The following NOX4 variants were observed in gnomAD, a reference collection of about 807,000 sequenced individuals.
The protein encoded by NOX4 is NADPH oxidase 4.
A neutral mutation model predicts 87.6 loss-of-function variants in NOX4; 69 were observed. The ratio of observed to expected loss-of-function variants is 0.79; its 90% CI spans 0.65 to 0.96. The LOEUF is 0.96. Among genes scored for constraint, NOX4 ranks in the 40% least tolerant of loss-of-function variants. NOX4 has a pLI of 0.00. For missense variants in NOX4, 680 were observed against 681.5 expected (o/e 1.00, Z 0.02); for synonymous variants, 275 against 238.2 (o/e 1.15, Z -1.42).
intron 2 of NOX4, among the ~76,000 whole-genome samples, chr11:89,467,349 CAAAA>C (rs71052233): frequency 6.0e-3 from 369 of 61,440 alleles, no homozygotes; most frequent in South Asian, 0.026. Context: ...AAACTCGTCA[CAAAA>C]AAAAAAAAAA....
At chr11:89,405,324 T>C (rs1181900158) in intron 8 of NOX4, among the ~76,000 whole-genome samples, 3 of 152,074 alleles carry the variant, frequency 2.0e-5, no homozygotes, top group East Asian at 1.9e-4. Context: ...GCACGTATTA[T>C]TCTAAAATTC....
At chr11:89,574,212 CCTGT>C in the NOX4 span, among the ~76,000 whole-genome samples, 1 of 152,266 alleles carries the variant, frequency 6.6e-6, no homozygotes, top group African/African-American at 2.4e-5. Flanking sequence ...CATGCTCATG[CCTGT>C]CTAACTACCT....
chr11:89,476,823 A>T (rs570851592), intron 2 of NOX4, among the ~76,000 whole-genome samples: 16 of 152,352 alleles, frequency 1.1e-4, no homozygotes, highest in African/African-American at 3.6e-4. Flanking sequence ...ACACGGCCAC[A>T]TAAATAGACT....
rs1943105795 is a variant in NOX4, at chr11:89,421,925, C to T, written c.606G>A (p.Met202Ile). 6.4e-7 allele frequency: 1 copy of T among 1,571,722 alleles called. No individual in the cohort carries two copies. Among genetic ancestry groups the T allele is most frequent in the Non-Finnish European group, 8.6e-7 (1 of 1,162,502 alleles). Residue 202 changes from methionine (M) to isoleucine (I), a missense_variant, in exon 8 of 18, where the codon ATG becomes ATA. Physicochemically the swap from Met to Ile is conservative, Grantham distance 10 (BLOSUM62 1). Coordinates refer to ENST00000263317, the MANE Select transcript of NOX4 (RefSeq NM_016931.5). Reference sequence around the variant, plus strand: ...ACCCTGAAACATGCAACGTCAGCAGCATGTAGAAGACAAAGAAGAGGTTAT... The same window carrying T: ...ACCCTGAAACATGCAACGTCAGCAGTATGTAGAAGACAAAGAAGAGGTTAT... ...YTHNLFFVFYMLLTLHVSGGL... is the reference protein window; with the variant it reads ...YTHNLFFVFYILLTLHVSGGL...
chr11:89,535,985 C>T, the NOX4 span, among the ~76,000 whole-genome samples: 1 of 152,002 alleles, frequency 6.6e-6, no homozygotes, highest in Non-Finnish European at 1.5e-5. Context: ...TTTTTCTTAC[C>T]CGGAAAACTT....
chr11:89,502,918 A>G (rs1375928658), upstream of NOX4, among the ~76,000 whole-genome samples: 1 of 152,034 alleles, frequency 6.6e-6, no homozygotes, highest in East Asian at 1.9e-4. Flanking sequence ...TCAAAAATGA[A>G]CACAATTCTT....
the NOX4 span, among the ~76,000 whole-genome samples, chr11:89,585,941 T>G: frequency 6.6e-6 from 1 of 152,314 alleles, no homozygotes; most frequent in Non-Finnish European, 1.5e-5. Context: ...CATTTCCAAA[T>G]TCAACAATAA....
chr11:89,333,216 G>A (rs1480494052), intron 17 of NOX4, among the ~76,000 whole-genome samples: 1 of 151,724 alleles, frequency 6.6e-6, no homozygotes, highest in African/African-American at 2.4e-5. Flanking sequence ...TACAGAAATT[G>A]TCCATGATCA....
chr11:89,429,185 G>C (rs940018281), intron 7 of NOX4, among the ~76,000 whole-genome samples: 1 of 152,146 alleles, frequency 6.6e-6, no homozygotes, highest in African/African-American at 2.4e-5. Flanking sequence ...CAACATACCA[G>C]AATCTCTGGG....
intron 4 of NOX4, among the ~76,000 whole-genome samples, chr11:89,445,139 T>C (rs760171533): frequency 3.1e-4 from 47 of 152,180 alleles, no homozygotes; most frequent in Admixed American, 9.8e-4. Context: ...GGGGCCTTAA[T>C]TTACTTCTCT....
rs546353102 is a variant in NOX4, at chr11:89,468,798, C to T, written c.154-16903G>A. Among the ~76,000 whole-genome samples the T allele has an allele frequency of 2.4e-3, 366 of 152,166 alleles. 3 individuals are homozygous for T. The highest frequency in any genetic ancestry group is 8.2e-3 in the African/African-American group (342 of 41,518). ...CTCATTCTGTCACTCAGGCTGGAGT[C>T]CAATGGTGTAATCACAGCTCACTGC... is the stretch of plus-strand genomic sequence containing the variant. On this transcript the variant is annotated intron_variant, in intron 2 of 17. Transcript: ENST00000263317.
chr11:89,515,777 C>A, the NOX4 span, among the ~76,000 whole-genome samples: 1 of 151,920 alleles, frequency 6.6e-6, no homozygotes, highest in Non-Finnish European at 1.5e-5. Flanking sequence ...CAGATAGAAT[C>A]CTGTTGTTCT....
At chr11:89,478,317 A>C (rs973895427) in intron 2 of NOX4, among the ~76,000 whole-genome samples, 1 of 152,228 alleles carries the variant, frequency 6.6e-6, no homozygotes, top group Non-Finnish European at 1.5e-5. Flanking sequence ...AGCTCAATTA[A>C]TAATATAAAT....
At chr11:89,363,483 C>T (rs1228709259) in intron 12 of NOX4, among the ~76,000 whole-genome samples, 1 of 151,868 alleles carries the variant, frequency 6.6e-6, no homozygotes, top group African/African-American at 2.4e-5. Flanking sequence ...TAAGCACACA[C>T]AAAAAATGCC....
chr11:89,558,496 C>T, the NOX4 span, among the ~76,000 whole-genome samples: 94 of 152,202 alleles, frequency 6.2e-4, 3 homozygotes, highest in East Asian at 0.018. Context: ...GCTGATGCTG[C>T]CCATATATAG....
intron 11 of NOX4, among the ~76,000 whole-genome samples, chr11:89,382,501 C>T (rs1209657138): frequency 6.6e-6 from 1 of 152,050 alleles, no homozygotes; most frequent in Non-Finnish European, 1.5e-5. Context: ...CCTCCCTAGT[C>T]TCTGTTCCCA....
At chr11:89,476,016 G>T (rs989101332) in intron 2 of NOX4, among the ~76,000 whole-genome samples, 1 of 152,038 alleles carries the variant, frequency 6.6e-6, no homozygotes, top group Non-Finnish European at 1.5e-5. Context: ...CTAATATCCT[G>T]CCATGTACAA....
At chr11:89,444,081 CATT>C in intron 5 of NOX4, 51 bp downstream of exon 5, 1 of 1,467,734 alleles carries the variant, frequency 6.8e-7, no homozygotes, top group Non-Finnish European at 9.5e-7. Context: ...CACAGACCCT[CATT>C]AGTCATCTCA....
intron 2 of NOX4, among the ~76,000 whole-genome samples, chr11:89,454,211 T>C (rs1945089003): frequency 6.6e-6 from 1 of 152,174 alleles, no homozygotes; most frequent in Admixed American, 6.6e-5. Flanking sequence ...TAAGTAAATG[T>C]TAAACCCCTC....
Sources: gnomAD v4.1 joint callset for allele counts (sites outside exome capture counted in the v4.1 genomes callset) on GRCh38, gnomAD v4.1.1 for gene constraint, MANE v1.5 for transcripts, NCBI Gene and HGNC (gene_info 2026-07-23, HGNC 2026-07-21) for gene names.